The following STXBP5L variants were observed in gnomAD, a reference collection of about 807,000 sequenced individuals.
STXBP5L encodes the protein syntaxin-binding protein 5-like.
A neutral mutation model predicts 144.5 loss-of-function variants in STXBP5L; 65 were observed. That is an observed-to-expected ratio of 0.45 (90% CI 0.37 to 0.55). STXBP5L has a LOEUF of 0.55. Ranked by LOEUF, STXBP5L falls within the 20% of genes least tolerant of loss-of-function variation. The probability of loss-of-function intolerance (pLI) is 0.00; values close to 1 mark genes in which losing one functional copy is unlikely to be tolerated. For missense variants in STXBP5L, 1,298 were observed against 1,405.5 expected, an observed-to-expected ratio of 0.92 and a Z score of 1.22; for synonymous variants, 505 against 469.6, an observed-to-expected ratio of 1.08 and a Z score of -0.97.
intron 22 of STXBP5L, 87 bp downstream of exon 22, chr3:121,381,619 G>A (rs958592316): frequency 2.0e-5 from 31 of 1,519,954 alleles, no homozygotes; most frequent in Admixed American, 9.4e-5. Flanking sequence ...GTATTGATTT[G>A]GAGCAAAGGT....
At chr3:121,074,267 A>G (rs890832439) in intron 5 of STXBP5L, among the ~76,000 whole-genome samples, 6 of 152,224 alleles carry the variant, frequency 3.9e-5, no homozygotes, top group Admixed American at 6.5e-5. Context: ...TAAACCAAGC[A>G]GCATCCACAG....
At chr3:121,374,038 C>A (rs1206509372) in intron 20 of STXBP5L, among the ~76,000 whole-genome samples, 1 of 152,158 alleles carries the variant, frequency 6.6e-6, no homozygotes, top group Non-Finnish European at 1.5e-5. Context: ...CCCCAGGGAA[C>A]CAAGAACTGG....
intron 3 of STXBP5L, among the ~76,000 whole-genome samples, chr3:120,999,347 G>T (rs1409570483): frequency 6.6e-6 from 1 of 152,076 alleles, no homozygotes; most frequent in African/African-American, 2.4e-5. Flanking sequence ...TGTTACTTTT[G>T]ATGTTGTGGT....
intron 5 of STXBP5L, among the ~76,000 whole-genome samples, chr3:121,050,753 A>G (rs1383685477): frequency 1.3e-5 from 2 of 152,242 alleles, no homozygotes; most frequent in African/African-American, 2.4e-5. Flanking sequence ...TTCAATATAA[A>G]TGGACTAAAT....
intron 1 of STXBP5L, among the ~76,000 whole-genome samples, chr3:120,908,633 G>A (rs1708658708): frequency 1.3e-5 from 2 of 151,470 alleles, no homozygotes; most frequent in African/African-American, 4.8e-5. Flanking sequence ...CTGGGGGAGG[G>A]ACAGCGGGAG....
chr3:121,365,356 G>C (rs2045833102), intron 20 of STXBP5L, among the ~76,000 whole-genome samples: 1 of 151,458 alleles, frequency 6.6e-6, no homozygotes, highest in Non-Finnish European at 1.5e-5. Context: ...TTAAAGATTT[G>C]GCAGAATACA....
intron 11 of STXBP5L, among the ~76,000 whole-genome samples, chr3:121,224,760 A>G (rs338970): frequency 0.48 from 72,267 of 151,958 alleles, 17,753 homozygotes; most frequent in East Asian, 0.73. Flanking sequence ...TACAATATTT[A>G]TGAATCATCA....
At chr3:121,024,389 C>G (rs1945780589) in intron 3 of STXBP5L, among the ~76,000 whole-genome samples, 4 of 152,052 alleles carry the variant, frequency 2.6e-5, no homozygotes, top group African/African-American at 9.7e-5. Flanking sequence ...TTTAGTCCTA[C>G]CACTAAGGTA....
intron 9 of STXBP5L, among the ~76,000 whole-genome samples, chr3:121,186,447 G>T (rs1461271182): frequency 1.3e-5 from 2 of 152,080 alleles, no homozygotes; most frequent in Admixed American, 6.6e-5. Flanking sequence ...AGGTAGCTCT[G>T]ATTATTTTGA....
intron 19 of STXBP5L, among the ~76,000 whole-genome samples, chr3:121,284,620 A>G (rs1404398858): frequency 6.6e-6 from 1 of 152,138 alleles, no homozygotes. Context: ...TGATGATGTC[A>G]GTAGGATAGA....
chr3:121,125,951 A>G (rs758626207), intron 7 of STXBP5L, among the ~76,000 whole-genome samples: 13 of 152,140 alleles, frequency 8.5e-5, no homozygotes, highest in Non-Finnish European at 1.6e-4. Context: ...AATTTGAGTC[A>G]TAGTTTTCTC....
intron 5 of STXBP5L, among the ~76,000 whole-genome samples, chr3:121,089,586 T>C (rs185289392): frequency 2.8e-4 from 43 of 152,156 alleles, no homozygotes; most frequent in African/African-American, 1.0e-3. Flanking sequence ...TTTGTCTGAC[T>C]GTTTATTTCT....
chr3:121,387,320 G>A (rs1467320479), intron 22 of STXBP5L, among the ~76,000 whole-genome samples: 2 of 151,946 alleles, frequency 1.3e-5, no homozygotes, highest in African/African-American at 4.8e-5. Context: ...TTGTCAGATG[G>A]GTAGATTGCA....
At chr3:121,188,745 G>A (rs2047505937) in intron 9 of STXBP5L, among the ~76,000 whole-genome samples, 1 of 152,078 alleles carries the variant, frequency 6.6e-6, no homozygotes, top group Non-Finnish European at 1.5e-5. Context: ...AAAGCCTTTG[G>A]CAAAATTCAA....
At position 121,223,123 on chromosome 3, in the gene STXBP5L, A is replaced by G. The variant is rs369882495; in HGVS notation, c.1077A>G (p.Glu359=). Residue 359 remains glutamate, a synonymous_variant, in exon 11 of 27, where the codon GAA becomes GAG. Coordinates refer to ENST00000471454, the MANE Select transcript of STXBP5L (RefSeq NM_001308330.2). ...TTGAAATGGATCATCCTATTGTTGA[A>G]TTTCTAACTTTATGTGAAACGCCCT... ...TVLEMDHPIV[E]FLTLCETPYP... 6.2e-7 allele frequency: 1 copy of G among 1,609,806 alleles called. No individual in the cohort carries two copies. The highest frequency in any genetic ancestry group is 1.1e-5 in the South Asian group (1 of 90,012).
chr3:121,352,922 T>G (rs1480719334), intron 20 of STXBP5L, among the ~76,000 whole-genome samples: 3 of 152,208 alleles, frequency 2.0e-5, no homozygotes, highest in Non-Finnish European at 4.4e-5. Flanking sequence ...AGGCCTTTTC[T>G]GCATCTATTG....
chr3:120,961,970 C>A (rs553662712), intron 3 of STXBP5L, among the ~76,000 whole-genome samples: 1 of 152,330 alleles, frequency 6.6e-6, no homozygotes, highest in Non-Finnish European at 1.5e-5. Context: ...GCCATTCCAA[C>A]TGGCATGAGA....
intron 5 of STXBP5L, among the ~76,000 whole-genome samples, chr3:121,091,637 G>C (rs925034016): frequency 5.9e-5 from 9 of 151,914 alleles, no homozygotes; most frequent in Non-Finnish European, 1.2e-4. Flanking sequence ...TTTTTTTCTT[G>C]TAAATTTGTT....
intron 20 of STXBP5L, among the ~76,000 whole-genome samples, chr3:121,346,218 T>C (rs551437459): frequency 3.9e-5 from 6 of 151,902 alleles, no homozygotes; most frequent in African/African-American, 1.5e-4. Context: ...ATTTTTGTCC[T>C]TGCAATAGTT....
Sources: gnomAD v4.1 joint callset for allele counts (sites outside exome capture counted in the v4.1 genomes callset) on GRCh38, gnomAD v4.1.1 for gene constraint, MANE v1.5 for transcripts, NCBI Gene and HGNC (gene_info 2026-07-23, HGNC 2026-07-21) for gene names.